Variants in FKBP6 observed in about 807,000 individuals in gnomAD.
FKBP6 encodes inactive peptidyl-prolyl cis-trans isomerase FKBP6.
Under a neutral mutation model 41.7 loss-of-function variants are expected in FKBP6, and 29 were observed. The ratio of observed to expected loss-of-function variants is 0.70; its 90% confidence interval spans 0.52 to 0.95. The LOEUF (loss-of-function observed/expected upper bound fraction) is 0.95. Ranked by LOEUF, FKBP6 falls within the 40% of genes least tolerant of loss-of-function variation. The pLI, the probability that FKBP6 is intolerant of heterozygous loss-of-function variation, is 0.00. For missense variants in FKBP6, 338 were observed against 408.7 expected (o/e 0.83, Z 1.49); for synonymous variants, 130 against 165.1 (o/e 0.79, Z 1.63).
chr7:73,330,719 T>C (rs1804814483), intron 4 of FKBP6, among the ~76,000 whole-genome samples: 1 of 152,174 alleles, frequency 6.6e-6, no homozygotes, highest in South Asian at 2.1e-4. Context: ...GAATAATTGA[T>C]TGTCCAGCCC....
At chr7:73,336,030 C>G (rs1171815737) in intron 5 of FKBP6, among the ~76,000 whole-genome samples, 1 of 152,124 alleles carries the variant, frequency 6.6e-6, no homozygotes, top group Non-Finnish European at 1.5e-5. Flanking sequence ...ATGGGGTTTC[C>G]TGCTTTCAAG....
At chr7:73,333,963 T>G (rs782757575) in intron 5 of FKBP6, among the ~76,000 whole-genome samples, 1 of 152,034 alleles carries the variant, frequency 6.6e-6, no homozygotes, top group African/African-American at 2.4e-5. Context: ...TCCCAGCTAC[T>G]TGGGAGGCTG....
Position 73,340,730 on chromosome 7 carries a change from T to C in FKBP6, c.681T>C (p.Phe227=). The change falls in exon 6 of 9, where the codon TTT becomes TTC. Residue 227 remains phenylalanine (F), a synonymous_variant. Coordinates refer to ENST00000252037, the MANE Select transcript of FKBP6 (RefSeq NM_003602.5). ...AKLPVLLNLS[F]TYLKLDRPTI... The stretch of plus-strand genomic sequence containing the variant: ...TTCCTGTTCTCCTGAACCTGTCCTT[T>C]ACATACCTGAAGCTAGACCGACCCA... 12 of 1,613,936 alleles carry C rather than the reference T, an allele frequency of 7.4e-6. No individual in the cohort carries two copies. Among genetic ancestry groups the C allele is most frequent in the Non-Finnish European group, 1.0e-5 (12 of 1,179,996 alleles).
Position 73,328,284 on chromosome 7 carries a change from C to T in FKBP6, c.-145C>T. 1 of 1,549,088 alleles carries T rather than the reference C, an allele frequency of 6.5e-7. No individual in the cohort carries two copies. Among genetic ancestry groups the T allele is most frequent in the Non-Finnish European group, 8.7e-7 (1 of 1,146,520 alleles). The stretch of plus-strand genomic sequence containing the variant: ...GTTGGAACGAAACGATGAGTGCCTC[C>T]TCGTGGCCCCAGAATGGAATGCCGC... On this transcript the variant is annotated 5_prime_UTR_variant, in exon 1 of 9. Transcript: ENST00000252037.
intron 8 of FKBP6, among the ~76,000 whole-genome samples, chr7:73,349,096 C>A (rs1461542267): frequency 6.6e-6 from 1 of 151,460 alleles, no homozygotes; most frequent in Admixed American, 6.6e-5. Flanking sequence ...CAGAGTGAGA[C>A]CCTGTCCCAA....
intron 8 of FKBP6, among the ~76,000 whole-genome samples, chr7:73,352,452 C>T (rs1253708649): frequency 6.6e-6 from 1 of 152,188 alleles, no homozygotes; most frequent in African/African-American, 2.4e-5. Context: ...AGAAGTGAGC[C>T]TAAGCAATAA....
Position 73,331,695 on chromosome 7 carries a change from A to AGTGGCAGCTACGGAACGGGAGT in FKBP6, c.508_529dup (p.Phe177CysfsTer20), listed in dbSNP as rs782102648. ...AATTTCCACTTCAGAAGGTCCTGAA[A>AGTGGCAGCTACGGAACGGGAGT]GTGGCAGCTACGGAACGGGAGTTTG... On this transcript the variant is annotated frameshift_variant, in exon 5 of 9. Coordinates refer to ENST00000252037, the MANE Select transcript of FKBP6 (RefSeq NM_003602.5). LOFTEE classifies it high-confidence loss of function. 371 of 1,613,900 alleles carry AGTGGCAGCTACGGAACGGGAGT rather than the reference A, an allele frequency of 2.3e-4. No homozygotes were observed. The highest frequency in any genetic ancestry group is 3.0e-4 in the Non-Finnish European group (354 of 1,179,898).
At chr7:73,334,237 C>T (rs1391308939) in intron 5 of FKBP6, among the ~76,000 whole-genome samples, 2 of 152,136 alleles carry the variant, frequency 1.3e-5, no homozygotes, top group Non-Finnish European at 2.9e-5. Flanking sequence ...TGATGTGCCT[C>T]TGCGTGTGTG....
At chr7:73,329,480 G>A in intron 3 of FKBP6, 31 bp downstream of exon 3, 9 of 1,329,884 alleles carry the variant, frequency 6.8e-6, no homozygotes, top group Non-Finnish European at 9.8e-6. Context: ...GGAGAAGAAG[G>A]AATTGTTTAG....
At position 73,352,796 on chromosome 7, in the gene FKBP6, C is replaced by T. The variant is rs541978064; in HGVS notation, c.*3-5385C>T. On this transcript the variant is annotated intron_variant, in intron 8 of 8. Coordinates refer to ENST00000252037, the MANE Select transcript of FKBP6 (RefSeq NM_003602.5). ...ACAAGGTGAGAAGGATGTGGTCTGC[C>T]GTCACTGTGAGGGCACCCACAGCAG... Among the ~76,000 whole-genome samples the T allele has an allele frequency of 7.2e-5, 11 of 152,156 alleles. No individual in the cohort carries two copies. The East Asian group carries it at 7.7e-4, about 11-fold the overall frequency.
At chr7:73,336,977 T>C in intron 5 of FKBP6, 3 of 331,252 alleles carry the variant, frequency 9.1e-6, no homozygotes, top group Non-Finnish European at 1.8e-5. Context: ...GAGAAAAAAA[T>C]TTAAACCAAG....
At chr7:73,354,906 G>A (rs535450823) in intron 8 of FKBP6, among the ~76,000 whole-genome samples, 4 of 152,302 alleles carry the variant, frequency 2.6e-5, no homozygotes, top group South Asian at 2.1e-4. Flanking sequence ...GACACCCACC[G>A]CCACCGTGGG....
At chr7:73,347,831 G>A (rs781975766) in intron 8 of FKBP6, among the ~76,000 whole-genome samples, 4 of 152,018 alleles carry the variant, frequency 2.6e-5, no homozygotes, top group Non-Finnish European at 4.4e-5. Flanking sequence ...TTTTTGTTGC[G>A]ACAGGGTCTC....
intron 4 of FKBP6, among the ~76,000 whole-genome samples, chr7:73,331,081 G>A (rs577095120): frequency 4.5e-4 from 68 of 152,294 alleles, no homozygotes; most frequent in Non-Finnish European, 6.9e-4. Flanking sequence ...CGAGTTTCTT[G>A]CAAATGCCTC....
At position 73,338,433 on chromosome 7, in the gene FKBP6, T is replaced by C. The variant is rs146593787; in HGVS notation, c.589-2205T>C. 4.6e-4 allele frequency among the ~76,000 whole-genome samples: 70 copies of C among 152,386 alleles called. No individual in the cohort carries two copies. The East Asian group carries it at 0.011, about 24-fold the overall frequency. On this transcript the variant is annotated intron_variant, in intron 5 of 8. Coordinates refer to ENST00000252037, the MANE Select transcript of FKBP6 (RefSeq NM_003602.5). ...TCCACTTCGTGATTATTATGACTGA[T>C]GCAGTGAGCGTTTATGTACAAGTTG...
chr7:73,357,397 T>G (rs567734992), intron 8 of FKBP6, among the ~76,000 whole-genome samples: 7 of 151,380 alleles, frequency 4.6e-5, no homozygotes, highest in African/African-American at 1.5e-4. Flanking sequence ...GTAGCTGGGA[T>G]TACAGGCACC....
At chr7:73,341,540 G>A (rs560093545) in intron 7 of FKBP6, among the ~76,000 whole-genome samples, 158 bp downstream of exon 7, 2 of 151,904 alleles carry the variant, frequency 1.3e-5, no homozygotes, top group South Asian at 2.1e-4. Flanking sequence ...TCGGCCGTGC[G>A]CTGCACCAGC....
rs1554546634 is a variant in FKBP6 at position 73,328,258 on chromosome 7, G to A, written c.-171G>A. On this transcript the variant is annotated 5_prime_UTR_variant, in exon 1 of 9. Coordinates refer to ENST00000252037, the MANE Select transcript of FKBP6 (RefSeq NM_003602.5). ...CGCGAGGGCCAGGGCCGTTGGCGGC[G>A]GTTGGAACGAAACGATGAGTGCCTC... The A allele has an allele frequency of 2.6e-6, 4 of 1,549,176 alleles. No homozygotes were observed. The highest frequency in any genetic ancestry group is 3.5e-6 in the Non-Finnish European group (4 of 1,146,666).
At chr7:73,347,322 G>C (rs1057332550) in intron 8 of FKBP6, among the ~76,000 whole-genome samples, 16 of 152,128 alleles carry the variant, frequency 1.1e-4, no homozygotes, top group Non-Finnish European at 8.8e-5. Flanking sequence ...TTTTACAGTT[G>C]ATGAATTAGA....
Sources: gnomAD v4.1 joint callset for allele counts (sites outside exome capture counted in the v4.1 genomes callset) on GRCh38, gnomAD v4.1.1 for gene constraint, MANE v1.5 for transcripts, NCBI Gene and HGNC (gene_info 2026-07-23, HGNC 2026-07-21) for gene names.